The following ACBD5 variants were observed in gnomAD, a reference collection of about 807,000 sequenced individuals.
The protein encoded by ACBD5 is acyl-CoA-binding domain-containing protein 5.
Under a neutral mutation model 71.8 loss-of-function variants are expected in ACBD5, and 40 were observed. That is an observed-to-expected ratio of 0.56 (90% CI 0.43 to 0.72). ACBD5 has a LOEUF of 0.72. Among genes scored for constraint, ACBD5 ranks in the 30% least tolerant of loss-of-function variants. The pLI is 0.00. For missense variants in ACBD5, 559 were observed against 644.5 expected, an observed-to-expected ratio of 0.87 and a Z score of 1.44; for synonymous variants, 229 against 218.6, an observed-to-expected ratio of 1.05 and a Z score of -0.42.
intron 3 of ACBD5, among the ~76,000 whole-genome samples, chr10:27,234,501 A>G (rs2064359055): frequency 6.6e-6 from 1 of 151,898 alleles, no homozygotes; most frequent in Admixed American, 6.6e-5. Context: ...TAAAAAAAAA[A>G]AAAAAAAAAG....
intron 9 of ACBD5, among the ~76,000 whole-genome samples, chr10:27,210,230 C>G (rs893377198): frequency 6.6e-6 from 1 of 152,200 alleles, no homozygotes; most frequent in Non-Finnish European, 1.5e-5. Flanking sequence ...GCTCATTGCC[C>G]TTTAGCATCC....
At chr10:27,186,316 C>T (rs1299943443) in intron 13 of ACBD5, 6 of 1,435,624 alleles carry the variant, frequency 4.2e-6, no homozygotes, top group Non-Finnish European at 4.9e-6. Flanking sequence ...TATAATAATT[C>T]CTGTAAAGCA....
downstream of ACBD5, among the ~76,000 whole-genome samples, chr10:27,194,982 G>A (rs1480115683): frequency 2.0e-5 from 3 of 152,086 alleles, no homozygotes; most frequent in Non-Finnish European, 2.9e-5. Flanking sequence ...GCAACAGAGC[G>A]AGACTCTGTC....
Position 27,240,474 on chromosome 10 carries a change from C to A in ACBD5, c.26G>T (p.Gly9Val), listed in dbSNP as rs762211730. 4.3e-5 allele frequency: 70 copies of A among 1,610,898 alleles called. No homozygotes were observed. Among genetic ancestry groups the A allele is most frequent in the Non-Finnish European group, 5.9e-5 (70 of 1,178,344 alleles). ...GCAGCAGCACCAGCTTTCCCAAGAGCCTGCATGAAACTGGAACATGGAGCG... is the reference window on the plus strand; with the variant it reads ...GCAGCAGCACCAGCTTTCCCAAGAGACTGCATGAAACTGGAACATGGAGCG... Reference protein sequence around the residue: MLFLSFHAGSWESWCCCCL... With the variant: MLFLSFHAVSWESWCCCCL... The change falls in exon 2 of 13, where the codon GGC becomes GTC. Residue 9 changes from glycine (G) to valine (V), a missense_variant. Transcript: ENST00000396271. This position sits in a 1 kb window ranked among gnomAD's most constrained non-coding sequence, Gnocchi z 4.1.
chr10:27,207,550 A>G (rs2060596990), intron 10 of ACBD5, among the ~76,000 whole-genome samples: 1 of 152,180 alleles, frequency 6.6e-6, no homozygotes, highest in African/African-American at 2.4e-5. Context: ...TCAATGCTGT[A>G]TAATGTTTGC....
At chr10:27,208,026 C>T (rs999821958) in intron 10 of ACBD5, among the ~76,000 whole-genome samples, 4 of 152,106 alleles carry the variant, frequency 2.6e-5, no homozygotes, top group African/African-American at 7.2e-5. Context: ...TGAGCCACGG[C>T]GCCCAGCCAT....
intron 6 of ACBD5, among the ~76,000 whole-genome samples, chr10:27,218,515 A>C (rs1421028478): frequency 6.6e-6 from 1 of 152,204 alleles, no homozygotes; most frequent in Non-Finnish European, 1.5e-5. Context: ...CACATAGCTG[A>C]TAAAAAGGAT....
chr10:27,204,521 G>A lies in ACBD5; in HGVS notation c.1484C>T (p.Ser495Phe), dbSNP rs952611283. The A allele has an allele frequency of 6.2e-7, 1 of 1,613,904 alleles. No individual in the cohort carries two copies. Among genetic ancestry groups the A allele is most frequent in the Non-Finnish European group, 8.5e-7 (1 of 1,179,962 alleles). The change falls in exon 12 of 13, where the codon TCT becomes TTT. Residue 495 changes from serine (S) to phenylalanine (F), a missense_variant. Ser to Phe is a radical substitution (Grantham distance 155). Coordinates refer to ENST00000396271, the MANE Select transcript of ACBD5 (RefSeq NM_145698.5). ...GATGGCAAACGTTAGCACACCAGGAGACATCTCGAAGGGCCACCAAGATGG... is the reference window on the plus strand; with the variant it reads ...GATGGCAAACGTTAGCACACCAGGAAACATCTCGAAGGGCCACCAAGATGG... ...QRPSWWPFEM[S>F]PGVLTFAIIW...
chr10:27,198,447 A>T (rs2059579258), intron 12 of ACBD5, among the ~76,000 whole-genome samples: 1 of 152,206 alleles, frequency 6.6e-6, no homozygotes, highest in South Asian at 2.1e-4. Flanking sequence ...CTCATAACAG[A>T]TTGATTCCTC....
At chr10:27,194,729 G>A (rs957782736), downstream of ACBD5, among the ~76,000 whole-genome samples, 5 of 151,958 alleles carry the variant, frequency 3.3e-5, no homozygotes, top group African/African-American at 1.2e-4. Context: ...TGGGTGCAGT[G>A]GCTCACGCCT....
intron 3 of ACBD5, among the ~76,000 whole-genome samples, chr10:27,234,690 G>C (rs553111100): frequency 6.6e-6 from 1 of 152,300 alleles, no homozygotes; most frequent in East Asian, 1.9e-4. Flanking sequence ...CCAGCACTTC[G>C]GGAGGCCGAG....
intron 10 of ACBD5, among the ~76,000 whole-genome samples, chr10:27,205,569 C>T (rs2060398189): frequency 1.3e-5 from 2 of 151,926 alleles, no homozygotes; most frequent in South Asian, 2.1e-4. Context: ...TCAATCTAAA[C>T]TCTTATGTTT....
chr10:27,184,554 A>ATTTTTTTTTTTTTTT (rs752147433), intron 13 of ACBD5, among the ~76,000 whole-genome samples: 1 of 84,848 alleles, frequency 1.2e-5, no homozygotes, highest in African/African-American at 4.7e-5. Flanking sequence ...TATAAGAAGG[A>ATTTTTTTTTTTTTTT]TTTTTTTTTT....
Position 27,231,783 on chromosome 10 carries a change from C to A in ACBD5, c.340G>T (p.Glu114Ter). 6.2e-7 allele frequency: 1 copy of A among 1,613,796 alleles called. No homozygotes were observed. The highest frequency in any genetic ancestry group is 8.5e-7 in the Non-Finnish European group (1 of 1,179,966). ...WSSLGDMTKE[E>*]AMIAYVEEMK... ...TCTTCAACATATGCAATCATGGCTT[C>A]CTCTTTGGTCATATCACCCAGTGAA... Residue 114 changes from glutamate to a stop codon, truncating the protein, a stop_gained, in exon 4 of 13, where the codon GAA becomes TAA. Coordinates refer to ENST00000396271, the MANE Select transcript of ACBD5 (RefSeq NM_145698.5). LOFTEE classifies it high-confidence loss of function.
At chr10:27,202,879 C>T (rs1002041519) in intron 12 of ACBD5, among the ~76,000 whole-genome samples, 1 of 150,120 alleles carries the variant, frequency 6.7e-6, no homozygotes, top group Non-Finnish European at 1.5e-5. Context: ...AAATGTAAAA[C>T]ACTGTAGAGC....
intron 4 of ACBD5, among the ~76,000 whole-genome samples, chr10:27,231,489 C>T (rs921382824): frequency 3.3e-5 from 5 of 152,284 alleles, no homozygotes; most frequent in African/African-American, 9.6e-5. Flanking sequence ...TGCACTCCAG[C>T]CTGGGCTACA....
intron 13 of ACBD5, among the ~76,000 whole-genome samples, chr10:27,189,765 T>TAAAAAAA (rs926529859): frequency 1.4e-5 from 1 of 72,220 alleles, no homozygotes; most frequent in African/African-American, 6.1e-5. Flanking sequence ...TAAAGTATAA[T>TAAAAAAA]AAAAATATAT....
intron 3 of ACBD5, among the ~76,000 whole-genome samples, chr10:27,233,718 C>T (rs2064225780): frequency 6.6e-6 from 1 of 151,680 alleles, no homozygotes; most frequent in Non-Finnish European, 1.5e-5. Context: ...GACCCTGTGT[C>T]CAAAAAAAAG....
chr10:27,241,121 G>A (rs953247732), upstream of ACBD5, among the ~76,000 whole-genome samples: 7 of 152,240 alleles, frequency 4.6e-5, no homozygotes, highest in Non-Finnish European at 1.0e-4. Flanking sequence ...TGGGCCCAAA[G>A]CTGCACGCGA....
Sources: allele counts gnomAD v4.1 joint callset (sites outside exome capture counted in the v4.1 genomes callset), GRCh38; gene constraint gnomAD v4.1.1; non-coding constraint Gnocchi (gnomAD v3.1); transcripts MANE v1.5; gene names NCBI Gene and HGNC (gene_info 2026-07-23, HGNC 2026-07-21).